The following RCC2 variants were observed in gnomAD, a reference collection of about 807,000 sequenced individuals.
The protein encoded by RCC2 is regulator of chromosome condensation 2, also known as protein RCC2.
Under a neutral mutation model 64.1 loss-of-function variants are expected in RCC2, and 19 were observed. The ratio of observed to expected loss-of-function variants is 0.30; its 90% CI spans 0.21 to 0.44. The LOEUF is 0.44. Ranked by LOEUF, RCC2 falls within the 20% of genes least tolerant of loss-of-function variation. The pLI is 1.00. For synonymous variants in RCC2, 325 were observed against 279.6 expected (o/e 1.16, Z -1.62); for missense variants, 508 against 710.4 (o/e 0.72, Z 3.24).
At chr1:17,431,384 G>T (rs1283596415) in intron 2 of RCC2, among the ~76,000 whole-genome samples, 1 of 82,404 alleles carries the variant, frequency 1.2e-5, no homozygotes, top group East Asian at 3.1e-4. Context: ...ATATATATGT[G>T]GGCTGGGTGT....
At chr1:17,411,414 A>C (rs1289523912) in intron 11 of RCC2, among the ~76,000 whole-genome samples, 1 of 152,150 alleles carries the variant, frequency 6.6e-6, no homozygotes, top group Non-Finnish European at 1.5e-5. Context: ...CATCTCTACC[A>C]AAAATACAAA....
chr1:17,412,278 G>C (rs1570172893), intron 10 of RCC2, 84 bp from the exon 11 acceptor site: 2 of 1,280,372 alleles, frequency 1.6e-6, no homozygotes, highest in Non-Finnish European at 1.1e-6. Context: ...ATGAGTGTGA[G>C]CTGCCACTTT....
intron 7 of RCC2, 100 bp from the exon 8 acceptor site, chr1:17,416,746 A>G (rs1257269093): frequency 7.8e-6 from 10 of 1,282,422 alleles, no homozygotes; most frequent in East Asian, 5.0e-5. Context: ...CAGCACCCCA[A>G]TCTGGCCCTT....
intron 4 of RCC2, among the ~76,000 whole-genome samples, chr1:17,423,616 T>G (rs2075580777): frequency 6.6e-6 from 1 of 152,244 alleles, no homozygotes. Context: ...AAAGGAGGGC[T>G]GGGAGCCCCT....
chr1:17,412,388 A>C (rs1366539750), intron 10 of RCC2, among the ~76,000 whole-genome samples, 194 bp from the exon 11 acceptor site: 1 of 152,224 alleles, frequency 6.6e-6, no homozygotes, highest in Non-Finnish European at 1.5e-5. Context: ...CAACGCTTCA[A>C]CAAAACAACA....
intron 7 of RCC2, among the ~76,000 whole-genome samples, chr1:17,418,742 T>A (rs967054308): frequency 6.6e-6 from 1 of 152,146 alleles, no homozygotes; most frequent in East Asian, 1.9e-4. Flanking sequence ...TCACAGTAAA[T>A]AGAATGCATT....
intron 6 of RCC2, among the ~76,000 whole-genome samples, chr1:17,421,892 G>C (rs942980473): frequency 6.6e-6 from 1 of 152,098 alleles, no homozygotes; most frequent in African/African-American, 2.4e-5. Context: ...AGGTGTGGTG[G>C]CACATGCCTG....
At chr1:17,435,960 C>T (rs2075731481) in intron 2 of RCC2, among the ~76,000 whole-genome samples, 1 of 150,786 alleles carries the variant, frequency 6.6e-6, no homozygotes, top group Non-Finnish European at 1.5e-5. Flanking sequence ...GTAGGGTGTG[C>T]ACTTTCCATG....
At chr1:17,438,095 G>T in intron 2 of RCC2, 135 bp downstream of exon 2, 3 of 546,744 alleles carry the variant, frequency 5.5e-6, no homozygotes, top group Non-Finnish European at 4.8e-6. Context: ...GATTCAGCCC[G>T]CGGCCTGCGC....
chr1:17,432,303 C>T (rs1190433517), intron 2 of RCC2, among the ~76,000 whole-genome samples: 1 of 152,182 alleles, frequency 6.6e-6, no homozygotes, highest in Non-Finnish European at 1.5e-5. Flanking sequence ...GAATATGCTA[C>T]AGGTCTATAT....
chr1:17,431,360 AT>A (rs1214357277), intron 2 of RCC2, among the ~76,000 whole-genome samples: 2,643 of 19,812 alleles, frequency 0.13, 198 homozygotes, highest in Non-Finnish European at 0.16. Context: ...AAAAAAAAAA[AT>A]ATATATATAT....
intron 10 of RCC2, 112 bp downstream of exon 10, chr1:17,412,961 G>T: frequency 1.3e-6 from 1 of 765,004 alleles, no homozygotes; most frequent in Non-Finnish European, 2.2e-6. Context: ...GCTGAGGACA[G>T]CCCAACAGGC....
At chr1:17,414,550 AAC>A (rs1557622354) in intron 8 of RCC2, among the ~76,000 whole-genome samples, 1 of 148,166 alleles carries the variant, frequency 6.7e-6, no homozygotes, top group Non-Finnish European at 1.5e-5. Context: ...AACAAAACGA[AAC>A]AAAAAAAAAA....
At chr1:17,421,485 C>T (rs558084474) in intron 6 of RCC2, among the ~76,000 whole-genome samples, 161 of 150,838 alleles carry the variant, frequency 1.1e-3, no homozygotes, top group African/African-American at 3.8e-3. Flanking sequence ...CAGAGCGAGA[C>T]TCTGTCTCCC....
intron 3 of RCC2, among the ~76,000 whole-genome samples, chr1:17,428,608 A>G (rs1213951609): frequency 1.3e-5 from 2 of 152,182 alleles, no homozygotes; most frequent in Non-Finnish European, 2.9e-5. Flanking sequence ...GTAACTGGGG[A>G]CAAAACATTA....
intron 2 of RCC2, among the ~76,000 whole-genome samples, chr1:17,436,022 T>C (rs1406339837): frequency 6.6e-6 from 1 of 152,046 alleles, no homozygotes; most frequent in Non-Finnish European, 1.5e-5. Context: ...GGTGCTCTGA[T>C]TCTAGAACAG....
chr1:17,416,455 G>C (rs1248974155), intron 8 of RCC2, 25 bp downstream of exon 8: 1 of 1,595,324 alleles, frequency 6.3e-7, no homozygotes, highest in East Asian at 2.2e-5. Context: ...GCGACTCTCA[G>C]GAAGTGAGAA....
In RCC2 at chr1:17,416,665, C is replaced by T. The variant is rs368846332; in HGVS notation, c.860-19G>A. ...TTGTGTCCTGTAGAGACCACAGAGCCGGCCATCAGCAGCAGCACAAGCACA... is the reference window on the plus strand; with the variant it reads ...TTGTGTCCTGTAGAGACCACAGAGCTGGCCATCAGCAGCAGCACAAGCACA... On this transcript the variant is annotated intron_variant, in intron 7 of 12. Coordinates refer to ENST00000375436, the MANE Select transcript of RCC2 (RefSeq NM_018715.4). The T allele has an allele frequency of 8.8e-6, 14 of 1,595,022 alleles. No homozygotes were observed. The highest frequency in any genetic ancestry group is 5.4e-5 in the African/African-American group (4 of 74,574).
At chr1:17,436,850 G>A (rs1173587096) in intron 2 of RCC2, among the ~76,000 whole-genome samples, 1 of 152,198 alleles carries the variant, frequency 6.6e-6, no homozygotes, top group Non-Finnish European at 1.5e-5. Context: ...GCAAATGTCT[G>A]GAGTCTGGCA....
Sources: gnomAD v4.1 joint callset for allele counts (sites outside exome capture counted in the v4.1 genomes callset) on GRCh38, gnomAD v4.1.1 for gene constraint, MANE v1.5 for transcripts, NCBI Gene and HGNC (gene_info 2026-07-23, HGNC 2026-07-21) for gene names.